Variants in TRERF1 observed in about 807,000 individuals in gnomAD.
The protein encoded by TRERF1 is transcriptional regulating factor 1, also known as transcriptional-regulating factor 1.
Under a neutral mutation model 122.9 loss-of-function variants are expected in TRERF1, and 27 were observed. The ratio of observed to expected loss-of-function variants is 0.22; its 90% CI spans 0.16 to 0.30. TRERF1 has a LOEUF of 0.30. TRERF1 is among the 10% of genes least tolerant of loss of function. The pLI is 1.00. For synonymous variants in TRERF1, 636 were observed against 641.7 expected (o/e 0.99, Z 0.13); for missense variants, 1,248 against 1,560.3 (o/e 0.80, Z 3.37).
intron 3 of TRERF1, among the ~76,000 whole-genome samples, chr6:42,316,784 T>C (rs907960299): frequency 6.6e-6 from 1 of 152,178 alleles, no homozygotes; most frequent in African/African-American, 2.4e-5. Context: ...TGAATTCTGC[T>C]AACATGTAGG....
At chr6:42,285,164 G>A (rs1782976747) in intron 4 of TRERF1, among the ~76,000 whole-genome samples, 1 of 152,092 alleles carries the variant, frequency 6.6e-6, no homozygotes, top group South Asian at 2.1e-4. Context: ...TCCTTGAGCA[G>A]TGGTTTGTAG....
intron 2 of TRERF1, among the ~76,000 whole-genome samples, chr6:42,375,893 G>T (rs1774753936): frequency 6.6e-6 from 1 of 152,156 alleles, no homozygotes. Context: ...CAAGGGGCTT[G>T]TCTCAAATGG....
At chr6:42,391,835 C>T (rs550799690) in intron 2 of TRERF1, among the ~76,000 whole-genome samples, 7 of 152,230 alleles carry the variant, frequency 4.6e-5, no homozygotes, top group Non-Finnish European at 1.0e-4. Context: ...CATGAGCTCT[C>T]GATGTGTCTT....
chr6:42,246,225 G>A (rs533694736), intron 14 of TRERF1, among the ~76,000 whole-genome samples: 6 of 152,210 alleles, frequency 3.9e-5, no homozygotes, highest in East Asian at 3.9e-4. Context: ...AAATAACCCC[G>A]TGCCACTGCA....
intron 2 of TRERF1, among the ~76,000 whole-genome samples, chr6:42,372,515 C>T (rs973556362): frequency 6.6e-6 from 1 of 152,128 alleles, no homozygotes; most frequent in Admixed American, 6.5e-5. Flanking sequence ...CCAGTCAGTT[C>T]CCTTCCCCCT....
At chr6:42,415,925 AC>A (rs1288129943) in intron 2 of TRERF1, among the ~76,000 whole-genome samples, 5 of 152,118 alleles carry the variant, frequency 3.3e-5, no homozygotes, top group African/African-American at 1.2e-4. Context: ...AGGAAAAGTG[AC>A]ACTTTTATAA....
chr6:42,440,622 T>C (rs1786335696), intron 2 of TRERF1, among the ~76,000 whole-genome samples: 1 of 152,210 alleles, frequency 6.6e-6, no homozygotes, highest in South Asian at 2.1e-4. Flanking sequence ...TGGTGTGCTC[T>C]GGGAGGTAAA....
chr6:42,266,045 C>T (rs1779105213), intron 5 of TRERF1, among the ~76,000 whole-genome samples: 1 of 152,104 alleles, frequency 6.6e-6, no homozygotes, highest in Non-Finnish European at 1.5e-5. Context: ...AACAAGCCCA[C>T]CAGGATGCAA....
rs756412318 is a variant in TRERF1 at position 42,269,424 on chromosome 6, T to C, written c.167A>G (p.His56Arg). The C allele has an allele frequency of 6.7e-5, 108 of 1,614,040 alleles. No individual in the cohort carries two copies. The highest frequency in any genetic ancestry group is 9.0e-5 in the Non-Finnish European group (106 of 1,180,034). Residue 56 changes from histidine to arginine, a missense_variant, in exon 5 of 18, where the codon CAC (histidine) becomes CGC (arginine). His to Arg is a conservative substitution (Grantham distance 29, BLOSUM62 0). This residue lies in a region of TRERF1 where 946 missense variants were observed against 1,073.0 expected (regional missense o/e 0.88). Transcript: ENST00000372922. The surrounding 1 kb of genome is among the most constrained non-coding windows in gnomAD (Gnocchi z 4.9). Reference sequence around the variant, plus strand: ...ACCATCCCGTGTATCTTGAGGGAAGTGGGGGGAGATTGGCGAGGCCTGAGG... The same window carrying C: ...ACCATCCCGTGTATCTTGAGGGAAGCGGGGGGAGATTGGCGAGGCCTGAGG...
At chr6:42,371,711 G>A (rs907732907) in intron 2 of TRERF1, among the ~76,000 whole-genome samples, 1 of 152,120 alleles carries the variant, frequency 6.6e-6, no homozygotes, top group Non-Finnish European at 1.5e-5. Flanking sequence ...CTACAGAGCT[G>A]GACTAGCATT....
At chr6:42,318,727 G>A (rs922245730) in intron 3 of TRERF1, among the ~76,000 whole-genome samples, 5 of 152,236 alleles carry the variant, frequency 3.3e-5, no homozygotes, top group Non-Finnish European at 7.3e-5. Flanking sequence ...GCTGCTTTCA[G>A]CTGCAACAAG....
At chr6:42,336,761 TG>T (rs768817583) in intron 3 of TRERF1, among the ~76,000 whole-genome samples, 6 of 152,078 alleles carry the variant, frequency 3.9e-5, no homozygotes, top group Non-Finnish European at 7.4e-5. Flanking sequence ...TCAGCAGCCT[TG>T]GGTCAAATTC....
chr6:42,432,400 A>C (rs565631918), intron 2 of TRERF1, among the ~76,000 whole-genome samples: 1 of 152,384 alleles, frequency 6.6e-6, no homozygotes, highest in East Asian at 1.9e-4. Context: ...AAATATGAAT[A>C]AAATGCTTCA....
At chr6:42,391,466 G>A (rs1777729157) in intron 2 of TRERF1, among the ~76,000 whole-genome samples, 1 of 152,162 alleles carries the variant, frequency 6.6e-6, no homozygotes, top group Non-Finnish European at 1.5e-5. Flanking sequence ...CTGGGAGACA[G>A]GGTGATATTG....
intron 4 of TRERF1, among the ~76,000 whole-genome samples, chr6:42,296,696 C>A (rs2150199618): frequency 6.6e-6 from 1 of 152,186 alleles, no homozygotes; most frequent in Admixed American, 6.5e-5. Flanking sequence ...AAAGAAAAAC[C>A]AATCGCAGGA....
intron 7 of TRERF1, among the ~76,000 whole-genome samples, chr6:42,264,326 T>C (rs1456773044): frequency 6.6e-6 from 1 of 152,262 alleles, no homozygotes; most frequent in Admixed American, 6.5e-5. Context: ...TTATATTAGC[T>C]TTCTCTGGCA....
At chr6:42,302,388 A>G (rs1375273536) in intron 3 of TRERF1, among the ~76,000 whole-genome samples, 2 of 152,220 alleles carry the variant, frequency 1.3e-5, no homozygotes, top group South Asian at 4.1e-4. Flanking sequence ...TCATTCTTCT[A>G]AATTCGCTGC....
intron 2 of TRERF1, among the ~76,000 whole-genome samples, chr6:42,405,229 CCAGTGAGGT>C (rs1582035058): frequency 1.3e-5 from 2 of 152,146 alleles, no homozygotes; most frequent in East Asian, 3.9e-4. Flanking sequence ...CAGCTGTGTT[CCAGTGAGGT>C]CACTTACAAG....
At chr6:42,305,501 C>T (rs1390509913) in intron 3 of TRERF1, among the ~76,000 whole-genome samples, 1 of 152,146 alleles carries the variant, frequency 6.6e-6, no homozygotes, top group African/African-American at 2.4e-5. Flanking sequence ...TACACAGGAA[C>T]AAGCACTTTA....
Sources: allele counts gnomAD v4.1 joint callset (sites outside exome capture counted in the v4.1 genomes callset), GRCh38; gene constraint gnomAD v4.1.1; regional missense constraint gnomAD v4.1.1; non-coding constraint Gnocchi (gnomAD v3.1); transcripts MANE v1.5; gene names NCBI Gene and HGNC (gene_info 2026-07-23, HGNC 2026-07-21).